IQUB: variants seen among roughly 807,000 people sequenced by gnomAD.
The protein encoded by IQUB is IQ motif and ubiquitin domain containing, also known as IQ motif and ubiquitin-like domain-containing protein.
Under a neutral mutation model 86.4 loss-of-function variants are expected in IQUB, and 86 were observed. That is an observed-to-expected ratio of 1.00 (90% CI 0.84 to 1.19). IQUB has a LOEUF of 1.19. Ranked by LOEUF, IQUB falls within the 50% of genes most tolerant of loss-of-function variation. The pLI is 0.00. For synonymous variants in IQUB, 289 were observed against 304.5 expected (o/e 0.95, Z 0.53); for missense variants, 946 against 916.9 (o/e 1.03, Z -0.41).
chr7:123,453,089 T>G (rs1472301240), intron 12 of IQUB, among the ~76,000 whole-genome samples, 164 bp from the exon 13 acceptor site: 1 of 151,854 alleles, frequency 6.6e-6, no homozygotes, highest in Non-Finnish European at 1.5e-5. Context: ...CCTATGATAC[T>G]TTAACCTGGA....
intron 9 of IQUB, among the ~76,000 whole-genome samples, chr7:123,467,373 T>C (rs1306942245): frequency 2.6e-5 from 4 of 152,018 alleles, no homozygotes; most frequent in African/African-American, 9.7e-5. Flanking sequence ...ACTGAGCTTC[T>C]CTCCGACAAT....
chr7:123,462,847 G>GAAA (rs1249070838), intron 10 of IQUB: 15 of 454,852 alleles, frequency 3.3e-5, no homozygotes, highest in South Asian at 2.2e-4. Context: ...AATTGTGCAA[G>GAAA]AAAAAAATAA....
intron 9 of IQUB, among the ~76,000 whole-genome samples, chr7:123,467,221 A>G (rs1354988661): frequency 3.3e-5 from 5 of 152,084 alleles, no homozygotes; most frequent in African/African-American, 1.2e-4. Context: ...AATGGTCCTA[A>G]TAACAGTAGG....
intron 9 of IQUB, among the ~76,000 whole-genome samples, chr7:123,465,720 C>T (rs531298321): frequency 1.2e-4 from 19 of 152,056 alleles, no homozygotes; most frequent in Admixed American, 2.6e-4. Context: ...AATGCTCTTC[C>T]GTACTTTGTA....
Position 123,461,552 on chromosome 7 carries a change from G to C in IQUB, c.1812C>G (p.Cys604Trp). Residue 604 changes from cysteine to tryptophan, a missense_variant, in exon 11 of 13, where the codon TGC becomes TGG. By Grantham distance (215) the Cys-to-Trp change is radical. Transcript: ENST00000324698. ...FYKKIYFCHS[C>W]QLYLPSTEFS... ...ATTCTGTAGAAGGCAAATAAAGCTG[G>C]CAACTGTGGCAAAAGTAAATCTTCT... 6.2e-7 allele frequency: 1 copy of C among 1,611,574 alleles called. No individual in the cohort carries two copies. The highest frequency in any genetic ancestry group is 8.5e-7 in the Non-Finnish European group (1 of 1,178,554).
intron 7 of IQUB, among the ~76,000 whole-genome samples, chr7:123,494,146 A>G (rs1417291400): frequency 6.6e-6 from 1 of 152,180 alleles, no homozygotes; most frequent in Non-Finnish European, 1.5e-5. Flanking sequence ...CCCTAGTGAC[A>G]ATTCAGAACG....
rs746632432 is a variant in IQUB, at chr7:123,457,435, A to G, written c.2139T>C (p.Ile713=). ...CAGCTGCTTCATCTTTGGTAAGAAG[A>G]ATGCAGTTCCAGGGGGACCACTCCA... ...KSLEWSPWNC[I]LLTKDEAAAH... The change falls in exon 12 of 13, where the codon ATT becomes ATC. Residue 713 remains isoleucine (I), a synonymous_variant. Coordinates refer to ENST00000324698, the MANE Select transcript of IQUB (RefSeq NM_178827.5). 1.2e-6 allele frequency: 2 copies of G among 1,612,654 alleles called. No homozygotes were observed. The highest frequency in any genetic ancestry group is 2.2e-5 in the South Asian group (2 of 90,974).
At chr7:123,482,081 A>G (rs541253621) in intron 7 of IQUB, among the ~76,000 whole-genome samples, 1 of 152,092 alleles carries the variant, frequency 6.6e-6, no homozygotes, top group Non-Finnish European at 1.5e-5. Context: ...ACTGGGGGGG[A>G]GAACCTCAAA....
At chr7:123,511,875 A>C (rs1442784391) in intron 2 of IQUB, 69 bp downstream of exon 2, 2 of 1,220,052 alleles carry the variant, frequency 1.6e-6, no homozygotes, top group Non-Finnish European at 1.1e-6. Context: ...AGCAAAAATA[A>C]GCCAACAAGA....
At chr7:123,472,954 G>C (rs1447975271) in intron 8 of IQUB, among the ~76,000 whole-genome samples, 1 of 152,116 alleles carries the variant, frequency 6.6e-6, no homozygotes, top group African/African-American at 2.4e-5. Flanking sequence ...CAACAAAAGA[G>C]ACAGCACAGA....
intron 11 of IQUB, among the ~76,000 whole-genome samples, chr7:123,458,360 C>G (rs1563425731): frequency 6.6e-6 from 1 of 151,750 alleles, no homozygotes; most frequent in Non-Finnish European, 1.5e-5. Flanking sequence ...AGTGTGAGAG[C>G]AGAAATATTT....
At chr7:123,462,913 ACT>A (rs1485323052) in intron 10 of IQUB, 8 of 443,110 alleles carry the variant, frequency 1.8e-5, no homozygotes, top group African/African-American at 1.2e-4. Flanking sequence ...ACAGAATTAA[ACT>A]CTACAAATTC....
In IQUB at chr7:123,494,012, A is replaced by G. The variant is rs558166430; in HGVS notation, c.1234+2684T>C. On this transcript the variant is annotated intron_variant, in intron 7 of 12. Transcript: ENST00000324698. ...TCTCATGACATAATATTGAATTTTG[A>G]AAAACAAACAAAAAATTATATTCTG... 8.5e-5 allele frequency among the ~76,000 whole-genome samples: 13 copies of G among 152,178 alleles called. No homozygotes were observed. In the East Asian group the frequency reaches 1.5e-3, roughly 18 times the overall value.
intron 3 of IQUB, among the ~76,000 whole-genome samples, chr7:123,506,365 C>T (rs1014061722): frequency 2.6e-5 from 4 of 152,142 alleles, no homozygotes; most frequent in Non-Finnish European, 5.9e-5. Context: ...TTGGTACCAA[C>T]TTTCTGTATT....
chr7:123,483,148 C>G (rs1363986277), intron 7 of IQUB, among the ~76,000 whole-genome samples: 2 of 152,044 alleles, frequency 1.3e-5, no homozygotes, highest in Non-Finnish European at 2.9e-5. Flanking sequence ...CTTGCACTTC[C>G]ACAAGCAGGA....
At chr7:123,522,918 T>A (rs919018882) in intron 1 of IQUB, among the ~76,000 whole-genome samples, 1 of 142,958 alleles carries the variant, frequency 7.0e-6, no homozygotes, top group African/African-American at 2.6e-5. Flanking sequence ...GTGTTCTCAC[T>A]GTTCAATTCC....
chr7:123,479,689 C>G, intron 8 of IQUB, 106 bp downstream of exon 8: 1 of 820,682 alleles, frequency 1.2e-6, no homozygotes, highest in Non-Finnish European at 1.9e-6. Context: ...AAATCCTAAA[C>G]AAAATTCATG....
In IQUB at chr7:123,463,090, C is replaced by A. The variant is rs184314453; in HGVS notation, c.1759-1485G>T. Among the ~76,000 whole-genome samples the A allele has an allele frequency of 1.0e-3, 152 of 151,608 alleles. 2 individuals carry two copies. The East Asian group carries it at 0.026, about 26-fold the overall frequency. ...GAGATATTAAAGAGTATATTCCCCC[C>A]AAAAAAGAAGTACAGGATAATCCAT... On this transcript the variant is annotated intron_variant, in intron 10 of 12. Coordinates refer to ENST00000324698, the MANE Select transcript of IQUB (RefSeq NM_178827.5).
Position 123,502,597 on chromosome 7 carries a change from C to G in IQUB, c.1023G>C (p.Ala341=). 1 of 1,608,248 alleles carries G rather than the reference C, an allele frequency of 6.2e-7. No homozygotes were observed. Among genetic ancestry groups the G allele is most frequent in the African/African-American group, 1.3e-5 (1 of 74,692 alleles). ...AAEYHAQRLK[A]VIVIQTYYRQ... is the part of the protein sequence containing the mutation. ...TCATCCACAATAAAAGTTATCTCAC[C>G]GCCTTTAGTCTTTGAGCATGGTATT... The change falls in exon 6 of 13, where the codon GCG becomes GCC. Residue 341 remains alanine (A), a splice_region_variant and synonymous_variant. Coordinates refer to ENST00000324698, the MANE Select transcript of IQUB (RefSeq NM_178827.5).
Sources: allele counts gnomAD v4.1 joint callset (sites outside exome capture counted in the v4.1 genomes callset), GRCh38; gene constraint gnomAD v4.1.1; transcripts MANE v1.5; gene names NCBI Gene and HGNC (gene_info 2026-07-23, HGNC 2026-07-21).